The following LRP1B variants were observed in gnomAD, a reference collection of about 807,000 sequenced individuals.
The protein encoded by LRP1B is low-density lipoprotein receptor-related protein 1B.
Under a neutral mutation model 556.6 loss-of-function variants are expected in LRP1B, and 217 were observed. That is an observed-to-expected ratio of 0.39 (90% CI 0.35 to 0.44). The LOEUF (loss-of-function observed/expected upper bound fraction) is 0.44, where lower values mean the gene tolerates loss of function less well. Ranked by LOEUF, LRP1B falls within the 20% of genes least tolerant of loss-of-function variation. LRP1B has a pLI of 1.00. For synonymous variants in LRP1B, 2,047 were observed against 1,865.8 expected, an observed-to-expected ratio of 1.10 and a Z score of -2.50; for missense variants, 5,053 against 5,620.8, an observed-to-expected ratio of 0.90 and a Z score of 3.23.
chr2:140,420,994 A>C (rs1573917883), intron 66 of LRP1B, among the ~76,000 whole-genome samples: 1 of 152,094 alleles, frequency 6.6e-6, no homozygotes, highest in African/African-American at 2.4e-5. Flanking sequence ...AGTGTCTCAC[A>C]CCTGTAATAT....
chr2:140,659,348 A>G, intron 41 of LRP1B, among the ~76,000 whole-genome samples: 1 of 151,936 alleles, frequency 6.6e-6, no homozygotes. Flanking sequence ...TAAGCGTTGT[A>G]ACTTTAATCT....
intron 2 of LRP1B, among the ~76,000 whole-genome samples, chr2:141,495,529 T>C (rs990668092): frequency 9.5e-4 from 144 of 152,260 alleles, no homozygotes; most frequent in Middle Eastern, 3.4e-3. Flanking sequence ...TCTACAGAAG[T>C]TTGAACAGGT....
intron 3 of LRP1B, among the ~76,000 whole-genome samples, chr2:141,340,507 A>C (rs1688018235): frequency 6.6e-6 from 1 of 152,210 alleles, no homozygotes; most frequent in Non-Finnish European, 1.5e-5. Flanking sequence ...ATAAAAGCAA[A>C]AATGCCTTTA....
chr2:141,965,980 TCCA>T (rs1212012080), intron 1 of LRP1B, among the ~76,000 whole-genome samples: 2 of 151,782 alleles, frequency 1.3e-5, no homozygotes, highest in Non-Finnish European at 2.9e-5. Context: ...ACTGACTAAT[TCCA>T]CCAACTAGCA....
chr2:141,248,079 G>T (rs542025124), intron 4 of LRP1B, among the ~76,000 whole-genome samples: 1 of 152,186 alleles, frequency 6.6e-6, no homozygotes, highest in South Asian at 2.1e-4. Flanking sequence ...ACAATGGTGT[G>T]TGCCTGTACC....
At position 141,248,090 on chromosome 2, in the gene LRP1B, C is replaced by T. The variant is rs116840259; in HGVS notation, c.464-736G>A. The stretch of plus-strand genomic sequence containing the variant: ...AGGCACAATGGTGTGTGCCTGTACC[C>T]CTTCATTCTATTCCTCTACCCCTTC... On this transcript the variant is annotated intron_variant, in intron 4 of 90. Coordinates refer to ENST00000389484, the MANE Select transcript of LRP1B (RefSeq NM_018557.3). Among the ~76,000 whole-genome samples the T allele has an allele frequency of 5.7e-3, 868 of 152,138 alleles. 7 individuals are homozygous for T. The highest frequency in any genetic ancestry group is 0.018 in the African/African-American group (741 of 41,524).
intron 67 of LRP1B, among the ~76,000 whole-genome samples, chr2:140,381,605 G>T (rs1683489882): frequency 6.6e-6 from 1 of 152,070 alleles, no homozygotes; most frequent in Non-Finnish European, 1.5e-5. Context: ...GCTCATGCCT[G>T]TAATCCCAAC....
At chr2:140,788,948 G>C (rs543313691) in intron 32 of LRP1B, among the ~76,000 whole-genome samples, 2 of 152,158 alleles carry the variant, frequency 1.3e-5, no homozygotes, top group African/African-American at 4.8e-5. Flanking sequence ...ACAACAAAAA[G>C]GTGCCCATCT....
intron 62 of LRP1B, among the ~76,000 whole-genome samples, chr2:140,454,141 TC>T (rs1686993470): frequency 6.6e-6 from 1 of 152,090 alleles, no homozygotes. Context: ...TTTTTTTCTT[TC>T]TTTTTTTATT....
chr2:141,480,290 G>A, intron 3 of LRP1B, 106 bp downstream of exon 3: 1 of 1,174,160 alleles, frequency 8.5e-7, no homozygotes, highest in Admixed American at 2.0e-5. Flanking sequence ...CTTAATAACT[G>A]ATATGCTTGT....
At chr2:140,402,316 C>T (rs2105230526) in intron 66 of LRP1B, among the ~76,000 whole-genome samples, 1 of 152,222 alleles carries the variant, frequency 6.6e-6, no homozygotes, top group East Asian at 1.9e-4. Context: ...CAGCTTTACC[C>T]CAAAAGTCAG....
intron 55 of LRP1B, among the ~76,000 whole-genome samples, chr2:140,496,440 TA>T (rs1381267153): frequency 6.6e-6 from 1 of 152,148 alleles, no homozygotes; most frequent in African/African-American, 2.4e-5. Context: ...CCTAGATATG[TA>T]GGTGTCCGAA....
At chr2:141,688,788 G>C (rs1192765474) in intron 2 of LRP1B, among the ~76,000 whole-genome samples, 1 of 151,808 alleles carries the variant, frequency 6.6e-6, no homozygotes, top group Non-Finnish European at 1.5e-5. Context: ...TTTCAATTGA[G>C]AAGTCATGGA....
chr2:141,948,414 T>C (rs1372411084), intron 1 of LRP1B, among the ~76,000 whole-genome samples: 1 of 152,040 alleles, frequency 6.6e-6, no homozygotes, highest in East Asian at 1.9e-4. Flanking sequence ...TATAAATATA[T>C]TGTAAATATA....
chr2:140,489,392 C>A (rs1441841786), intron 57 of LRP1B, among the ~76,000 whole-genome samples: 1 of 152,002 alleles, frequency 6.6e-6, no homozygotes, highest in Admixed American at 6.6e-5. Context: ...ATCTTTCCTA[C>A]TGACAACACT....
intron 3 of LRP1B, among the ~76,000 whole-genome samples, chr2:141,474,250 T>C (rs556312926): frequency 6.6e-6 from 1 of 152,092 alleles, no homozygotes; most frequent in Non-Finnish European, 1.5e-5. Flanking sequence ...GTAAAACCTC[T>C]AGGTTAATTT....
At chr2:141,859,893 C>T (rs900826523) in intron 1 of LRP1B, among the ~76,000 whole-genome samples, 1 of 152,152 alleles carries the variant, frequency 6.6e-6, no homozygotes, top group African/African-American at 2.4e-5. Flanking sequence ...GCAATGTGCA[C>T]TATTTCATCA....
chr2:140,677,957 T>C (rs1165331891), intron 41 of LRP1B, among the ~76,000 whole-genome samples: 2 of 151,752 alleles, frequency 1.3e-5, no homozygotes, highest in Non-Finnish European at 2.9e-5. Context: ...TTCTATGCAC[T>C]TGCTATGTTG....
At chr2:141,352,492 C>A (rs575424451) in intron 3 of LRP1B, among the ~76,000 whole-genome samples, 114 of 151,972 alleles carry the variant, frequency 7.5e-4, no homozygotes, top group South Asian at 2.5e-3. Context: ...TCTTATATAA[C>A]CATAGAGTAA....
Sources: allele counts gnomAD v4.1 joint callset (sites outside exome capture counted in the v4.1 genomes callset), GRCh38; gene constraint gnomAD v4.1.1; transcripts MANE v1.5; gene names NCBI Gene and HGNC (gene_info 2026-07-23, HGNC 2026-07-21).